Variants in MDGA2 observed in about 807,000 individuals in gnomAD.
MDGA2 encodes MAM domain-containing glycosylphosphatidylinositol anchor protein 2.
MDGA2 carries 40 observed loss-of-function variants against 117.8 expected under a neutral mutation model. The ratio of observed to expected loss-of-function variants is 0.34; its 90% confidence interval spans 0.26 to 0.44. MDGA2 has a LOEUF of 0.44. MDGA2 is among the 20% of genes least tolerant of loss of function. MDGA2 has a pLI of 1.00. For missense variants in MDGA2, 1,123 were observed against 1,250.6 expected, an observed-to-expected ratio of 0.90 and a Z score of 1.54; for synonymous variants, 452 against 439.0, an observed-to-expected ratio of 1.03 and a Z score of -0.37.
At chr14:47,456,628 T>C (rs552166604) in intron 1 of MDGA2, among the ~76,000 whole-genome samples, 10 of 152,206 alleles carry the variant, frequency 6.6e-5, no homozygotes, top group South Asian at 2.1e-4. Context: ...AAAAGAGTTA[T>C]ATAGGTGTGA....
chr14:47,000,348 T>TATAC (rs1405479221), intron 8 of MDGA2, among the ~76,000 whole-genome samples: 1 of 83,278 alleles, frequency 1.2e-5, no homozygotes, highest in Non-Finnish European at 2.6e-5. Context: ...TATATATATA[T>TATAC]ACACACACAT....
At chr14:47,427,380 G>A (rs565420532) in intron 1 of MDGA2, among the ~76,000 whole-genome samples, 7 of 152,082 alleles carry the variant, frequency 4.6e-5, no homozygotes, top group Admixed American at 4.6e-4. Context: ...GGGAAGGATG[G>A]CTATGATCTT....
intron 1 of MDGA2, among the ~76,000 whole-genome samples, chr14:47,380,573 G>GAAT (rs1229906710): frequency 1.3e-5 from 2 of 151,996 alleles, no homozygotes; most frequent in Non-Finnish European, 2.9e-5. Flanking sequence ...TACCATCAGA[G>GAAT]AATACTACAA....
chr14:47,169,022 A>T (rs570987857), intron 3 of MDGA2, among the ~76,000 whole-genome samples: 18 of 152,212 alleles, frequency 1.2e-4, no homozygotes, highest in African/African-American at 4.3e-4. Context: ...ATATATAGAT[A>T]GATAGATAGA....
At chr14:47,214,017 G>C (rs187800140) in intron 3 of MDGA2, among the ~76,000 whole-genome samples, 20 of 152,132 alleles carry the variant, frequency 1.3e-4, no homozygotes, top group African/African-American at 4.8e-4. Flanking sequence ...AGCGAAGAGG[G>C]GGGTAAAGAG....
chr14:47,249,653 T>C (rs540750600), intron 2 of MDGA2, among the ~76,000 whole-genome samples: 11 of 152,324 alleles, frequency 7.2e-5, no homozygotes, highest in African/African-American at 2.4e-4. Flanking sequence ...TCTTATGGCC[T>C]CTTTACCTTC....
At chr14:47,510,790 T>G (rs1222233610) in intron 1 of MDGA2, among the ~76,000 whole-genome samples, 2 of 152,198 alleles carry the variant, frequency 1.3e-5, no homozygotes, top group African/African-American at 2.4e-5. Context: ...ACAGTTAACC[T>G]CCCATCAATA....
At chr14:47,277,361 G>A (rs951402032) in intron 2 of MDGA2, among the ~76,000 whole-genome samples, 17 of 152,144 alleles carry the variant, frequency 1.1e-4, no homozygotes, top group African/African-American at 3.9e-4. Context: ...TTTTTCAAGG[G>A]AGGCAGGCTT....
At chr14:47,377,968 C>A (rs563197451) in intron 1 of MDGA2, among the ~76,000 whole-genome samples, 107 of 152,284 alleles carry the variant, frequency 7.0e-4, no homozygotes, top group African/African-American at 2.5e-3. Flanking sequence ...CCAGTAGGGG[C>A]CAACTGACAT....
At chr14:47,175,907 C>T (rs367775356) in intron 3 of MDGA2, among the ~76,000 whole-genome samples, 12 of 152,048 alleles carry the variant, frequency 7.9e-5, no homozygotes, top group East Asian at 3.9e-4. Context: ...AACCCCATCG[C>T]CTCAGCCCAA....
chr14:47,347,659 A>T (rs2138339913), intron 1 of MDGA2, among the ~76,000 whole-genome samples: 1 of 152,322 alleles, frequency 6.6e-6, no homozygotes, highest in African/African-American at 2.4e-5. Flanking sequence ...CATGAAACAC[A>T]GGATAGAGAT....
intron 3 of MDGA2, among the ~76,000 whole-genome samples, chr14:47,146,030 A>G (rs941116605): frequency 1.3e-5 from 2 of 152,150 alleles, no homozygotes; most frequent in African/African-American, 4.8e-5. Flanking sequence ...TACAGTATTT[A>G]TATGGACATA....
intron 14 of MDGA2, among the ~76,000 whole-genome samples, chr14:46,857,527 C>CCTGTGT (rs1555329345): frequency 9.9e-5 from 15 of 152,008 alleles, no homozygotes; most frequent in African/African-American, 3.6e-4. Flanking sequence ...AGAGAATTTC[C>CCTGTGT]CTTTGGTTTG....
Position 47,133,130 on chromosome 14 carries a change from C to A in MDGA2, c.793-1284G>T, listed in dbSNP as rs1054860964. Among the ~76,000 whole-genome samples the A allele has an allele frequency of 7.4e-4, 109 of 147,180 alleles. 2 individuals are homozygous for A. The highest frequency in any genetic ancestry group is 3.0e-3 in the East Asian group (15 of 5,030). On this transcript the variant is annotated intron_variant, in intron 4 of 16. Transcript: ENST00000399232. ...GGTAAAAAAAAAAAAAACAAACAAA[C>A]AAAAAAAAACTACCTTTCAATTTTT... is the stretch of plus-strand genomic sequence containing the variant.
chr14:47,439,002 T>C (rs1446122160), intron 1 of MDGA2, among the ~76,000 whole-genome samples: 1 of 152,150 alleles, frequency 6.6e-6, no homozygotes, highest in East Asian at 1.9e-4. Context: ...TCTTGGTAAA[T>C]AGGCTGACTC....
chr14:47,451,823 A>C (rs561679557), intron 1 of MDGA2, among the ~76,000 whole-genome samples: 1 of 152,248 alleles, frequency 6.6e-6, no homozygotes, highest in Non-Finnish European at 1.5e-5. Flanking sequence ...CCCCACACTG[A>C]CACAAATTAA....
At chr14:46,930,399 C>A (rs1884523581) in intron 9 of MDGA2, among the ~76,000 whole-genome samples, 1 of 151,992 alleles carries the variant, frequency 6.6e-6, no homozygotes, top group Non-Finnish European at 1.5e-5. Flanking sequence ...ATGCATTATT[C>A]TTTCATATAC....
rs763987458 is a variant in MDGA2 at position 47,035,115 on chromosome 14, A to C, written c.1715T>G (p.Val572Gly). 6.8e-6 allele frequency: 11 copies of C among 1,613,980 alleles called. No individual in the cohort carries two copies. The highest frequency in any genetic ancestry group is 8.5e-6 in the Non-Finnish European group (10 of 1,180,010). The part of the protein sequence containing the change: ...MESYDGTLRI[V>G]NVSREMSGMY... ...TCCTGACATTTCCCTAGATACATTC[A>C]CAATCCTCAGTGTTCCATCATAACT... Residue 572 changes from valine to glycine, a missense_variant, in exon 8 of 17, where the codon GTG (valine) becomes GGG (glycine). Coordinates refer to ENST00000399232, the MANE Select transcript of MDGA2 (RefSeq NM_001113498.3).
chr14:47,551,931 T>A (rs2138779538), intron 1 of MDGA2, among the ~76,000 whole-genome samples: 1 of 152,190 alleles, frequency 6.6e-6, no homozygotes, highest in African/African-American at 2.4e-5. Flanking sequence ...GTAGGAGAAA[T>A]AACATCAACA....
Sources: gnomAD v4.1 joint callset for allele counts (sites outside exome capture counted in the v4.1 genomes callset) on GRCh38, gnomAD v4.1.1 for gene constraint, MANE v1.5 for transcripts, NCBI Gene and HGNC (gene_info 2026-07-23, HGNC 2026-07-21) for gene names.